LMAN1L: variants seen among roughly 807,000 people sequenced by gnomAD.
The protein encoded by LMAN1L is protein ERGIC-53-like.
In LMAN1L, 60 loss-of-function variants were observed where a neutral mutation model predicts 58.3. That is an observed-to-expected ratio of 1.03 (90% confidence interval 0.84 to 1.27). The LOEUF (loss-of-function observed/expected upper bound fraction) is 1.27. Ranked by LOEUF, LMAN1L falls within the 50% of genes most tolerant of loss-of-function variation. LMAN1L has a pLI of 0.00. For missense variants in LMAN1L, 629 were observed against 674.0 expected (o/e 0.93, Z 0.74); for synonymous variants, 280 against 271.6 (o/e 1.03, Z -0.31).
rs200860815 is a variant in LMAN1L at position 74,813,076 on chromosome 15, T to A, written c.175+47T>A. On this transcript the variant is annotated intron_variant, in intron 1 of 13. Coordinates refer to ENST00000309664, the MANE Select transcript of LMAN1L (RefSeq NM_021819.3). ...CAGCTATGCCCAGGGTCCCTCAAAG[T>A]GCTGGAGGGGCTGTGACTTGGTGGG... 8.8e-5 allele frequency: 138 copies of A among 1,563,568 alleles called. No homozygotes were observed. The Middle Eastern group carries it at 1.9e-3, about 22-fold the overall frequency.
Position 74,820,678 on chromosome 15 carries a change from C to T in LMAN1L, c.818C>T (p.Ala273Val), listed in dbSNP as rs755811864. The change falls in exon 8 of 14, where the codon GCG becomes GTG. Residue 273 changes from alanine to valine, a missense_variant. Around this residue, in one of 3 missense-constraint regions of LMAN1L, gnomAD observed 573 missense variants for 597.3 expected, o/e 0.96. Coordinates refer to ENST00000309664, the MANE Select transcript of LMAN1L (RefSeq NM_021819.3). ...CTGGAGATGCAGCAGCTCCGCCTGGCGAGGCAGCTGGAAGGGCTGTGGGCA... is the reference window on the plus strand; with the variant it reads ...CTGGAGATGCAGCAGCTCCGCCTGGTGAGGCAGCTGGAAGGGCTGTGGGCA... The part of the protein sequence containing the change: ...PFLEMQQLRL[A>V]RQLEGLWARL... 1.7e-5 allele frequency: 27 copies of T among 1,613,776 alleles called. No individual in the cohort carries two copies. The highest frequency in any genetic ancestry group is 3.3e-5 in the South Asian group (3 of 91,072).
intron 13 of LMAN1L, 112 bp from the exon 14 acceptor site, chr15:74,825,364 C>G: frequency 8.5e-7 from 1 of 1,182,678 alleles, no homozygotes; most frequent in Non-Finnish European, 1.2e-6. Flanking sequence ...AGTCCAAGAA[C>G]AGCGGAGGTT....
chr15:74,823,112 C>T (rs1371795068), intron 11 of LMAN1L, among the ~76,000 whole-genome samples: 3 of 152,168 alleles, frequency 2.0e-5, no homozygotes, highest in African/African-American at 7.2e-5. Context: ...CCCCCATTAA[C>T]TTCCCGGTAT....
At chr15:74,817,488 G>A (rs1029151091) in intron 4 of LMAN1L, among the ~76,000 whole-genome samples, 3 of 152,212 alleles carry the variant, frequency 2.0e-5, no homozygotes, top group East Asian at 1.9e-4. Flanking sequence ...ACTGTCAGAC[G>A]CTCTGCTGTG....
chr15:74,819,953 C>T (rs774733655), intron 6 of LMAN1L, 91 bp from the exon 7 acceptor site: 108 of 1,222,256 alleles, frequency 8.8e-5, no homozygotes, highest in Non-Finnish European at 1.2e-4. Flanking sequence ...CCTCTTGCCT[C>T]GGTGGGATAT....
Position 74,823,546 on chromosome 15 carries a change from C to A in LMAN1L, c.1200-13C>A, listed in dbSNP as rs771603140. The A allele has an allele frequency of 1.2e-6, 2 of 1,613,314 alleles. No individual in the cohort carries two copies. Among genetic ancestry groups the A allele is most frequent in the Non-Finnish European group, 1.7e-6 (2 of 1,179,714 alleles). On this transcript the variant is annotated splice_polypyrimidine_tract_variant and intron_variant, in intron 11 of 13. Coordinates refer to ENST00000309664, the MANE Select transcript of LMAN1L (RefSeq NM_021819.3). ...GTAATGAGTCATCTTACTTGGTTACCACCCCCGGTTAGGGATGCAGCTGTC... is the reference window on the plus strand; with the variant it reads ...GTAATGAGTCATCTTACTTGGTTACAACCCCCGGTTAGGGATGCAGCTGTC...
chr15:74,813,518 G>C, intron 1 of LMAN1L: 1 of 455,478 alleles, frequency 2.2e-6, no homozygotes, highest in South Asian at 1.6e-5. Flanking sequence ...GTGTGTTGTG[G>C]GTGGAAGCAG....
At chr15:74,822,360 A>T (rs1488560796) in intron 10 of LMAN1L, among the ~76,000 whole-genome samples, 1 of 152,182 alleles carries the variant, frequency 6.6e-6, no homozygotes, top group Non-Finnish European at 1.5e-5. Flanking sequence ...GCAAGACTCC[A>T]TCTCAAATAA....
intron 4 of LMAN1L, 103 bp downstream of exon 4, chr15:74,816,793 C>T (rs2063893507): frequency 1.7e-6 from 2 of 1,154,990 alleles, no homozygotes; most frequent in Non-Finnish European, 2.4e-6. Flanking sequence ...GCAGGGGGCC[C>T]ACCCTGCCGG....
intron 13 of LMAN1L, 121 bp from the exon 14 acceptor site, chr15:74,825,355 G>A: frequency 9.0e-7 from 1 of 1,110,326 alleles, no homozygotes; most frequent in Non-Finnish European, 1.3e-6. Context: ...GCCACAGAAA[G>A]TCCAAGAACA....
rs200329248 is a variant in LMAN1L at position 74,820,101 on chromosome 15, T to C, written c.774+2T>C. 6.2e-7 allele frequency: 1 copy of C among 1,613,370 alleles called. No homozygotes were observed. Among genetic ancestry groups the C allele is most frequent in the East Asian group, 2.2e-5 (1 of 44,852 alleles). The stretch of plus-strand genomic sequence containing the variant: ...AGCCTGAGTGAGCCCAGCCCAGAGG[T>C]GATGCCAGCCCTGGCCTACCTGGGA... On this transcript the variant is annotated splice_donor_variant, in intron 7 of 13. Transcript: ENST00000309664. LOFTEE classifies it high-confidence loss of function.
intron 1 of LMAN1L, among the ~76,000 whole-genome samples, chr15:74,814,512 T>G (rs2063881692): frequency 6.6e-6 from 1 of 151,982 alleles, no homozygotes; most frequent in Non-Finnish European, 1.5e-5. Flanking sequence ...TAGCTGGGAC[T>G]ACAGGTGCCT....
At chr15:74,821,723 C>T (rs1287964304) in intron 9 of LMAN1L, 106 bp from the exon 10 acceptor site, 8 of 739,820 alleles carry the variant, frequency 1.1e-5, no homozygotes, top group East Asian at 7.6e-5. Context: ...TCTGACAGCT[C>T]GAGGTTTTAA....
Position 74,820,635 on chromosome 15 carries a change from G to A in LMAN1L, c.775G>A (p.Val259Ile), listed in dbSNP as rs768310419. ...TFSLSEPSPE[V>I]PPQPFLEMQQ... ...CCGACTTTCTGTCTTCCTCCCCTAG[G>A]TTCCCCCTCAGCCCTTCCTGGAGAT... The change falls in exon 8 of 14, where the codon GTT becomes ATT. Residue 259 changes from valine to isoleucine, a missense_variant and splice_region_variant. This residue lies in a region of LMAN1L where 573 missense variants were observed against 597.3 expected (regional missense o/e 0.96). Coordinates refer to ENST00000309664, the MANE Select transcript of LMAN1L (RefSeq NM_021819.3). The A allele has an allele frequency of 6.2e-7, 1 of 1,613,838 alleles. No individual in the cohort carries two copies. The highest frequency in any genetic ancestry group is 8.5e-7 in the Non-Finnish European group (1 of 1,180,002).
chr15:74,821,832 C>T lies in LMAN1L; in HGVS notation c.1063C>T (p.Leu355=). The change falls in exon 10 of 14, where the codon CTG becomes TTG. Residue 355 remains leucine (L), a synonymous_variant. Coordinates refer to ENST00000309664, the MANE Select transcript of LMAN1L (RefSeq NM_021819.3). ...GQARPDGGWA[L]DASCQIPSTP... ...GCCTCTCTGATCCTATCCCCAGGCC[C>T]TGGATGCTTCCTGCCAGATTCCATC... 1 of 1,611,678 alleles carries T rather than the reference C, an allele frequency of 6.2e-7. No individual in the cohort carries two copies. The highest frequency in any genetic ancestry group is 2.2e-5 in the East Asian group (1 of 44,848).
At position 74,818,806 on chromosome 15, in the gene LMAN1L, C is replaced by T. The variant is rs766876284; in HGVS notation, c.586C>T (p.Gln196Ter). The T allele has an allele frequency of 1.9e-6, 3 of 1,609,088 alleles. No individual in the cohort carries two copies. Among genetic ancestry groups the T allele is most frequent in the Non-Finnish European group, 2.5e-6 (3 of 1,178,026 alleles). The change falls in exon 5 of 14, where the codon CAG becomes TAG. Residue 196 changes from glutamine to a stop codon, truncating the protein, a stop_gained. Transcript: ENST00000309664. LOFTEE classifies it high-confidence loss of function. ...CAGAGCACGGATCACCTACTGGGGG[C>T]AGAGGCTGCGCGTGAGTCACCCTTC... ...PFRARITYWGQRLRMSLNSGL... is the reference protein window; with the variant it reads ...PFRARITYWG
At chr15:74,818,165 C>T (rs1042226208) in intron 4 of LMAN1L, among the ~76,000 whole-genome samples, 3 of 152,166 alleles carry the variant, frequency 2.0e-5, no homozygotes, top group African/African-American at 7.2e-5. Context: ...GGCCCCTGGC[C>T]CCTTCTGTAA....
Position 74,821,803 on chromosome 15 carries a change from C to T in LMAN1L, c.1060-26C>T, listed in dbSNP as rs780095790. The T allele has an allele frequency of 1.7e-5, 27 of 1,566,156 alleles. 1 individual carries two copies. In the South Asian group the frequency reaches 2.9e-4, roughly 17 times the overall value. On this transcript the variant is annotated intron_variant, in intron 9 of 13. Coordinates refer to ENST00000309664, the MANE Select transcript of LMAN1L (RefSeq NM_021819.3). ...AGGGGAGGGGACTTACACTCCAGGGCCAAGCCTCTCTGATCCTATCCCCAG... is the reference window on the plus strand; with the variant it reads ...AGGGGAGGGGACTTACACTCCAGGGTCAAGCCTCTCTGATCCTATCCCCAG...
At chr15:74,814,626 G>A (rs534703282) in intron 1 of LMAN1L, among the ~76,000 whole-genome samples, 19 of 152,248 alleles carry the variant, frequency 1.2e-4, no homozygotes, top group African/African-American at 4.3e-4. Context: ...GCCCGCCTTG[G>A]CCTCCCAAAG....
Sources: allele counts gnomAD v4.1 joint callset (sites outside exome capture counted in the v4.1 genomes callset), GRCh38; gene constraint gnomAD v4.1.1; regional missense constraint gnomAD v4.1.1; transcripts MANE v1.5; gene names NCBI Gene and HGNC (gene_info 2026-07-23, HGNC 2026-07-21).